BMX: variants seen among roughly 807,000 people sequenced by gnomAD.
The protein encoded by BMX is cytoplasmic tyrosine-protein kinase BMX.
In BMX, 31 loss-of-function variants were observed where a neutral mutation model predicts 59.2. The ratio of observed to expected loss-of-function variants is 0.52; its 90% CI spans 0.39 to 0.71. The LOEUF (loss-of-function observed/expected upper bound fraction) is 0.71. BMX is among the 30% of genes least tolerant of loss of function. BMX has a pLI of 0.00. For missense variants in BMX, 474 were observed against 491.7 expected (o/e 0.96, Z 0.34); for synonymous variants, 185 against 181.0 (o/e 1.02, Z -0.18).
intron 8 of BMX, 112 bp from the exon 9 acceptor site, chrX:15,525,929 TA>T: frequency 1.6e-6 from 1 of 616,869 alleles, no homozygotes; most frequent in Non-Finnish European, 2.5e-6. Flanking sequence ...CCTAACAATC[TA>T]AATGTTATTT....
intron 3 of BMX, among the ~76,000 whole-genome samples, chrX:15,509,773 T>C (rs1211372941): frequency 3.6e-5 from 4 of 111,132 alleles, no homozygotes; most frequent in Non-Finnish European, 5.7e-5. Context: ...CCCCAAGGCA[T>C]TTACAGGGAA....
intron 14 of BMX, 123 bp from the exon 15 acceptor site, chrX:15,541,859 T>C: frequency 1.6e-6 from 1 of 640,346 alleles, no homozygotes; most frequent in Non-Finnish European, 2.4e-6. Context: ...TCTCTTTCTC[T>C]GTTCAAGTGA....
chrX:15,501,735 A>C (rs1217162661), intron 1 of BMX, among the ~76,000 whole-genome samples: 3 of 111,885 alleles, frequency 2.7e-5, no homozygotes, highest in Non-Finnish European at 5.6e-5. Flanking sequence ...GTCACATCCA[A>C]GTATTTATTT....
chrX:15,536,502 CAAA>C (rs61657459), intron 13 of BMX, 75 bp downstream of exon 13: 5,356 of 605,610 alleles, frequency 8.8e-3, no homozygotes, highest in Admixed American at 0.019. Flanking sequence ...AATTTACTGG[CAAA>C]AAAAAAAAAA....
intron 16 of BMX, 124 bp from the exon 17 acceptor site, chrX:15,546,679 T>C (rs1432592250): frequency 3.8e-5 from 19 of 501,254 alleles, no homozygotes; most frequent in Admixed American, 2.3e-4. Context: ...AGCCCACACA[T>C]TGAAAGGAAA....
chrX:15,523,660 G>A (rs772334288), intron 7 of BMX, among the ~76,000 whole-genome samples: 151 of 111,698 alleles, frequency 1.4e-3, no homozygotes, highest in Non-Finnish European at 1.1e-3. Flanking sequence ...AGTAAACCCA[G>A]TTGCAAGGAG....
At chrX:15,526,584 A>AT (rs750402294) in intron 9 of BMX, among the ~76,000 whole-genome samples, 6,041 of 91,644 alleles carry the variant, frequency 0.066, 547 homozygotes, top group African/African-American at 0.21. Context: ...TGACCTTGTC[A>AT]TTTTTTTTTT....
chrX:15,509,480 A>G lies in BMX; in HGVS notation c.243+47A>G, dbSNP rs759601895. 1.5e-5 allele frequency: 13 copies of G among 894,117 alleles called. No homozygotes were observed. The South Asian group carries it at 2.4e-4, about 16-fold the overall frequency. The allele number at this position is 894,117 out of a possible 1,213,427, so 73.7% of individuals were successfully genotyped here. On this transcript the variant is annotated intron_variant, in intron 3 of 18. Transcript: ENST00000348343. ...CATTGGGTGGATAGTTCTTCCTTCA[A>G]TTTTTCTATCGTGAACTCAATATAT...
At chrX:15,538,474 T>C (rs758812764) in intron 14 of BMX, among the ~76,000 whole-genome samples, 1 of 111,963 alleles carries the variant, frequency 8.9e-6, no homozygotes, top group East Asian at 2.8e-4. Flanking sequence ...AATAAAAAAA[T>C]TCCTAGCCTG....
intron 14 of BMX, among the ~76,000 whole-genome samples, chrX:15,541,065 GA>G (rs1240144494): frequency 7.4e-5 from 8 of 108,728 alleles, no homozygotes; most frequent in Non-Finnish European, 1.3e-4. Context: ...AAAGATAGGT[GA>G]GAAAAGATAT....
intron 1 of BMX, among the ~76,000 whole-genome samples, chrX:15,505,011 A>G (rs73635102): frequency 0.047 from 5,279 of 112,271 alleles, 302 homozygotes; most frequent in African/African-American, 0.16. Context: ...TAAGCATAAG[A>G]AGAGCAGGGT....
rs774577575 is a variant in BMX at position 15,512,116 on chromosome X, T to C, written c.325+598T>C. ...TACCTAAACCTGATTTTTTAACCAA[T>C]ACATTGTAAATGCTAGGCAAAACTG... On this transcript the variant is annotated intron_variant, in intron 4 of 18. Transcript: ENST00000348343. Among the ~76,000 whole-genome samples the C allele has an allele frequency of 1.5e-3, 169 of 111,959 alleles. 3 individuals are homozygous for C. The highest frequency in any genetic ancestry group is 4.7e-4 in the Non-Finnish European group (25 of 53,164).
At chrX:15,545,858 A>C (rs1370265044) in intron 16 of BMX, among the ~76,000 whole-genome samples, 2 of 111,645 alleles carry the variant, frequency 1.8e-5, no homozygotes, top group Admixed American at 1.9e-4. Context: ...CCTCATTTTC[A>C]GTGCTAGGAG....
chrX:15,550,665 TACACAC>T (rs58905214), intron 18 of BMX, among the ~76,000 whole-genome samples: 31,632 of 86,361 alleles, frequency 0.37, 4,798 homozygotes, highest in Admixed American at 0.4. Flanking sequence ...TCAAAGTCTT[TACACAC>T]ACACACACAC....
At chrX:15,525,510 C>A (rs1924672156) in intron 8 of BMX, 145 bp downstream of exon 8, 3 of 532,583 alleles carry the variant, frequency 5.6e-6, no homozygotes, top group Admixed American at 6.9e-5. Context: ...CCTCTCTGAA[C>A]CCTGAATGGA....
chrX:15,536,413 T>C lies in BMX; in HGVS notation c.1208T>C (p.Val403Ala). The change falls in exon 13 of 19, where the codon GTG (valine) becomes GCG (alanine). Residue 403 changes from valine (V) to alanine (A), a missense_variant. Physicochemically the swap from Val to Ala is moderately conservative, Grantham distance 64 (BLOSUM62 0). Transcript: ENST00000348343. ...AAGGCCAACAAGGTCCCCGACTCTG[T>C]GTCCCTGGGAAATGGTATGGATACA... ...STKANKVPDS[V>A]SLGNGIWELK... is the part of the protein sequence containing the mutation. The C allele has an allele frequency of 8.3e-7, 1 of 1,207,285 alleles. No individual in the cohort carries two copies. Among genetic ancestry groups the C allele is most frequent in the Non-Finnish European group, 1.1e-6 (1 of 892,596 alleles).
At chrX:15,510,177 T>C in intron 3 of BMX, among the ~76,000 whole-genome samples, 1 of 111,716 alleles carries the variant, frequency 9.0e-6, no homozygotes. Flanking sequence ...TGGTATGTAG[T>C]GTATGCTGGT....
chrX:15,545,918 A>G (rs1264977399), intron 16 of BMX, among the ~76,000 whole-genome samples: 1 of 111,950 alleles, frequency 8.9e-6, no homozygotes, highest in African/African-American at 3.3e-5. Context: ...CTCATTCTTA[A>G]GTGTATCCAA....
intron 18 of BMX, among the ~76,000 whole-genome samples, chrX:15,551,415 A>G (rs896264199): frequency 9.0e-6 from 1 of 110,880 alleles, no homozygotes; most frequent in African/African-American, 3.3e-5. Context: ...CTGTAATGTA[A>G]TGCTTACCTC....
Sources: allele counts gnomAD v4.1 joint callset (sites outside exome capture counted in the v4.1 genomes callset), GRCh38; gene constraint gnomAD v4.1.1; transcripts MANE v1.5; gene names NCBI Gene and HGNC (gene_info 2026-07-23, HGNC 2026-07-21).